The following CDK6 variants were observed in gnomAD, a reference collection of about 807,000 sequenced individuals.
CDK6 encodes the protein cyclin dependent kinase 6, also known as cyclin-dependent kinase 6.
Under a neutral mutation model 37.1 loss-of-function variants are expected in CDK6, and 6 were observed. The ratio of observed to expected loss-of-function variants is 0.16; its 90% CI spans 0.09 to 0.32. The LOEUF (loss-of-function observed/expected upper bound fraction) is 0.32. Among genes scored for constraint, CDK6 ranks in the 10% least tolerant of loss-of-function variants. The probability of loss-of-function intolerance (pLI) is 1.00; values close to 1 mark genes in which losing one functional copy is unlikely to be tolerated. For synonymous variants in CDK6, 160 were observed against 161.3 expected (o/e 0.99, Z 0.06); for missense variants, 224 against 418.9 (o/e 0.53, Z 4.06).
At position 92,610,649 on chromosome 7, in the gene CDK6, C is replaced by T; in HGVS notation, c.*4491G>A. ...ATAAGAAATGAAAATGCTAGTTTCT[C>T]ATGCTTTTGAGGAAAACAGCATTTC... On this transcript the variant is annotated 3_prime_UTR_variant, in exon 8 of 8. Transcript: ENST00000424848. The T allele has an allele frequency of 4.4e-6, 1 of 227,956 alleles. No individual in the cohort carries two copies. Among genetic ancestry groups the T allele is most frequent in the Non-Finnish European group, 8.7e-6 (1 of 114,836 alleles). The allele number at this position is 227,956 out of a possible 1,614,324, so 14.1% of individuals were successfully genotyped here. A position where few individuals can be genotyped will look rare whatever the true frequency, so the allele number is the denominator to read the frequency against.
chr7:92,737,302 A>G lies in CDK6; in HGVS notation c.370-11509T>C, dbSNP rs547834054. Among the ~76,000 whole-genome samples the G allele has an allele frequency of 2.6e-5, 4 of 152,344 alleles. No individual in the cohort carries two copies. The East Asian group carries it at 7.7e-4, about 29-fold the overall frequency. On this transcript the variant is annotated intron_variant, in intron 3 of 7. Transcript: ENST00000424848. The stretch of plus-strand genomic sequence containing the variant: ...AAGATCAACAAACACAACTTATAAT[A>G]TAATCCTTAAAATATCTGTTGTTTT...
chr7:92,799,570 G>C (rs934339953), intron 2 of CDK6, among the ~76,000 whole-genome samples: 6 of 151,376 alleles, frequency 4.0e-5, no homozygotes, highest in African/African-American at 9.7e-5. Context: ...CTATTTGCCA[G>C]TGACCCTGAA....
chr7:92,700,609 C>A (rs1797821140), intron 4 of CDK6, among the ~76,000 whole-genome samples: 1 of 152,192 alleles, frequency 6.6e-6, no homozygotes. Flanking sequence ...ATATTTGGGT[C>A]TGGGGCTCAA....
At chr7:92,720,869 C>T (rs1320923652) in intron 4 of CDK6, among the ~76,000 whole-genome samples, 3 of 152,064 alleles carry the variant, frequency 2.0e-5, no homozygotes, top group Non-Finnish European at 2.9e-5. Flanking sequence ...GTCATTGTAC[C>T]GAACAGGTGT....
chr7:92,687,269 C>T (rs1021828326), intron 4 of CDK6, among the ~76,000 whole-genome samples: 1 of 152,166 alleles, frequency 6.6e-6, no homozygotes, highest in African/African-American at 2.4e-5. Flanking sequence ...ATCTCTGTTA[C>T]CCCCATAAAA....
At chr7:92,790,943 C>T (rs1800266496) in intron 2 of CDK6, among the ~76,000 whole-genome samples, 1 of 152,114 alleles carries the variant, frequency 6.6e-6, no homozygotes, top group Non-Finnish European at 1.5e-5. Context: ...GAACTTTGTT[C>T]CTCTGGAAAG....
intron 3 of CDK6, among the ~76,000 whole-genome samples, chr7:92,727,318 C>T (rs1276987178): frequency 6.6e-6 from 1 of 152,200 alleles, no homozygotes; most frequent in African/African-American, 2.4e-5. Context: ...ACTGAATCCT[C>T]TCATCGAGAA....
rs987584484 is a variant in CDK6 at position 92,612,308 on chromosome 7, T to C, written c.*2832A>G. The stretch of plus-strand genomic sequence containing the variant: ...GCTTCAGTGTAACCTTGGGGCAATA[T>C]GCCCTTTTCAGTTCACCACTGCTTA... On this transcript the variant is annotated 3_prime_UTR_variant, in exon 8 of 8. Coordinates refer to ENST00000424848, the MANE Select transcript of CDK6 (RefSeq NM_001145306.2). The C allele has an allele frequency of 1.7e-5, 4 of 233,072 alleles. No individual in the cohort carries two copies. The highest frequency in any genetic ancestry group is 6.6e-5 in the African/African-American group (3 of 45,358). The allele number at this position is 233,072 out of a possible 1,614,324, so 14.4% of individuals were successfully genotyped here. A position where few individuals can be genotyped will look rare whatever the true frequency, so the allele number is the denominator to read the frequency against.
intron 2 of CDK6, among the ~76,000 whole-genome samples, chr7:92,796,339 A>G (rs1210927477): frequency 2.0e-5 from 3 of 152,130 alleles, no homozygotes; most frequent in Non-Finnish European, 4.4e-5. Context: ...GCTCTATGAG[A>G]TCATAGTTTT....
chr7:92,725,236 AC>A, intron 4 of CDK6: 9 of 985,380 alleles, frequency 9.1e-6, no homozygotes, highest in Non-Finnish European at 1.1e-5. Context: ...GTTTCTCAAA[AC>A]CATGATGCTG....
intron 5 of CDK6, among the ~76,000 whole-genome samples, chr7:92,660,719 A>T (rs1462685050): frequency 6.6e-6 from 1 of 152,198 alleles, no homozygotes; most frequent in Non-Finnish European, 1.5e-5. Flanking sequence ...CCATGGAGAC[A>T]GAATCCACAG....
intron 3 of CDK6, among the ~76,000 whole-genome samples, chr7:92,760,095 G>C (rs1302553723): frequency 1.3e-5 from 2 of 152,144 alleles, no homozygotes; most frequent in Non-Finnish European, 2.9e-5. Context: ...AACTGTCATT[G>C]TAGTAAAAAT....
At chr7:92,824,700 C>A (rs949953183) in intron 2 of CDK6, among the ~76,000 whole-genome samples, 1 of 152,198 alleles carries the variant, frequency 6.6e-6, no homozygotes, top group African/African-American at 2.4e-5. Flanking sequence ...TATCTGTGTA[C>A]ATGTCAGTTT....
chr7:92,795,688 C>G (rs1800391520), intron 2 of CDK6, among the ~76,000 whole-genome samples: 1 of 152,048 alleles, frequency 6.6e-6, no homozygotes, highest in Admixed American at 6.6e-5. Flanking sequence ...CTATTTCTTC[C>G]AAGTCTAAAT....
intron 2 of CDK6, among the ~76,000 whole-genome samples, chr7:92,799,620 A>C (rs1044626356): frequency 6.6e-6 from 1 of 152,040 alleles, no homozygotes; most frequent in Middle Eastern, 3.2e-3. Context: ...GGCAATTTTG[A>C]ACCGCCTGTG....
At chr7:92,630,058 G>C (rs1419156122) in intron 5 of CDK6, among the ~76,000 whole-genome samples, 1 of 152,056 alleles carries the variant, frequency 6.6e-6, no homozygotes, top group Non-Finnish European at 1.5e-5. Flanking sequence ...GGGGGTTAGG[G>C]CTTCAATGTA....
chr7:92,822,681 G>A (rs1428859223), intron 2 of CDK6, among the ~76,000 whole-genome samples: 3 of 152,076 alleles, frequency 2.0e-5, no homozygotes, highest in African/African-American at 7.2e-5. Flanking sequence ...ACAGGTAATT[G>A]AGTGCTAGGC....
chr7:92,675,749 A>C (rs956281694), intron 4 of CDK6, among the ~76,000 whole-genome samples: 16 of 152,262 alleles, frequency 1.1e-4, no homozygotes, highest in Admixed American at 4.6e-4. Context: ...GGTCTTTTGA[A>C]TTTCTTCTTG....
chr7:92,621,754 C>T (rs1795809118), intron 6 of CDK6, among the ~76,000 whole-genome samples: 2 of 152,276 alleles, frequency 1.3e-5, no homozygotes, highest in African/African-American at 2.4e-5. Context: ...ATCCACTGTA[C>T]AGAGTGGTCA....
Sources: allele counts gnomAD v4.1 joint callset (sites outside exome capture counted in the v4.1 genomes callset), GRCh38; gene constraint gnomAD v4.1.1; transcripts MANE v1.5; gene names NCBI Gene and HGNC (gene_info 2026-07-23, HGNC 2026-07-21).